TIPARP: variants seen among roughly 807,000 people sequenced by gnomAD.
The protein encoded by TIPARP is protein mono-ADP-ribosyltransferase TIPARP.
In TIPARP, 12 loss-of-function variants were observed where a neutral mutation model predicts 56.5. That is an observed-to-expected ratio of 0.21 (90% CI 0.14 to 0.34). The LOEUF is 0.34. TIPARP is among the 10% of genes least tolerant of loss of function. TIPARP has a pLI of 1.00. For missense variants in TIPARP, 604 were observed against 781.6 expected (o/e 0.77, Z 2.71); for synonymous variants, 296 against 265.7 (o/e 1.11, Z -1.11).
intron 2 of TIPARP, chr3:156,681,274 G>C (rs973078815): frequency 6.7e-6 from 3 of 447,120 alleles, no homozygotes; most frequent in South Asian, 4.7e-5. Flanking sequence ...TGCAGATTGC[G>C]CATAACCAGG....
chr3:156,698,037 A>G (rs1192382261), intron 4 of TIPARP, among the ~76,000 whole-genome samples: 2 of 152,240 alleles, frequency 1.3e-5, no homozygotes, highest in Admixed American at 6.5e-5. Flanking sequence ...TTGCTAATAT[A>G]GAGAAAGTTT....
intron 4 of TIPARP, among the ~76,000 whole-genome samples, chr3:156,700,480 C>T (rs924853248): frequency 6.6e-6 from 1 of 152,036 alleles, no homozygotes; most frequent in African/African-American, 2.4e-5. Context: ...CTCAGGGAAT[C>T]AGATGCCTAA....
At chr3:156,702,711 C>G (rs753364725) in intron 4 of TIPARP, among the ~76,000 whole-genome samples, 19 of 152,156 alleles carry the variant, frequency 1.2e-4, no homozygotes, top group Non-Finnish European at 2.4e-4. Flanking sequence ...AAGTAACTTA[C>G]CAAAGCTGCT....
chr3:156,694,239 C>T, intron 3 of TIPARP, 51 bp downstream of exon 3: 3 of 1,497,930 alleles, frequency 2.0e-6, no homozygotes, highest in Middle Eastern at 1.8e-4. Context: ...TTATTTTTTT[C>T]TTCCTGTATT....
At chr3:156,687,134 T>G (rs896286821) in intron 2 of TIPARP, among the ~76,000 whole-genome samples, 2 of 152,192 alleles carry the variant, frequency 1.3e-5, no homozygotes, top group Non-Finnish European at 2.9e-5. Context: ...GTGCCTTCTA[T>G]CCCAGCTGTT....
At chr3:156,696,486 T>A (rs1722717007) in intron 4 of TIPARP, among the ~76,000 whole-genome samples, 3 of 152,256 alleles carry the variant, frequency 2.0e-5, no homozygotes, top group African/African-American at 7.2e-5. Context: ...CCTTTTCAAA[T>A]AATTTACATT....
intron 3 of TIPARP, 50 bp downstream of exon 3, chr3:156,694,238 T>C: frequency 6.7e-7 from 1 of 1,501,300 alleles, no homozygotes; most frequent in Non-Finnish European, 9.0e-7. Flanking sequence ...TTTATTTTTT[T>C]CTTCCTGTAT....
At chr3:156,685,978 T>G in intron 2 of TIPARP, among the ~76,000 whole-genome samples, 1 of 152,210 alleles carries the variant, frequency 6.6e-6, no homozygotes, top group East Asian at 1.9e-4. Context: ...GGTTTCTGAG[T>G]GTCACCTGGC....
At chr3:156,695,533 A>G (rs1431654378) in intron 3 of TIPARP, among the ~76,000 whole-genome samples, 1 of 152,030 alleles carries the variant, frequency 6.6e-6, no homozygotes, top group Non-Finnish European at 1.5e-5. Flanking sequence ...CAACATCACT[A>G]TCTTTAATTC....
intron 4 of TIPARP, among the ~76,000 whole-genome samples, chr3:156,701,438 G>A (rs1193056523): frequency 6.6e-6 from 1 of 152,206 alleles, no homozygotes. Context: ...CCAGAAGCCT[G>A]TGTTGGTAAC....
At chr3:156,702,067 TGGTGGTTGTGGTG>T (rs1722860772) in intron 4 of TIPARP, among the ~76,000 whole-genome samples, 1 of 124,208 alleles carries the variant, frequency 8.1e-6, no homozygotes, top group Non-Finnish European at 1.8e-5. Flanking sequence ...GTGGTGGTGG[TGGTGGTTGTGGTG>T]GTGGTGGTGG....
At chr3:156,685,624 T>A (rs1446500677) in intron 2 of TIPARP, among the ~76,000 whole-genome samples, 2 of 152,246 alleles carry the variant, frequency 1.3e-5, no homozygotes, top group East Asian at 3.8e-4. Context: ...GTACTTCTGG[T>A]AATGATTAGA....
Position 156,677,710 on chromosome 3 carries a change from A to T in TIPARP, c.13A>T (p.Thr5Ser). The change falls in exon 2 of 6, where the codon ACC (threonine) becomes TCC (serine). Residue 5 changes from threonine to serine, a missense_variant. Coordinates refer to ENST00000295924, the MANE Select transcript of TIPARP (RefSeq NM_015508.5). ...GCTAATCCACATTATGGAAATGGAAACCACCGAACCTGAGCCAGACTGTGT... is the reference window on the plus strand; with the variant it reads ...GCTAATCCACATTATGGAAATGGAATCCACCGAACCTGAGCCAGACTGTGT... MEME[T>S]TEPEPDCVVQ... 6.3e-7 allele frequency: 1 copy of T among 1,580,412 alleles called. No individual in the cohort carries two copies. The highest frequency in any genetic ancestry group is 1.2e-5 in the South Asian group (1 of 84,768).
chr3:156,705,038 T>C lies in TIPARP; in HGVS notation c.1881T>C (p.Phe627=), dbSNP rs779283935. The part of the protein sequence containing the change: ...DLYDSCVDNF[F]EPQIFVIFND... ...ATGACTCTTGTGTGGATAATTTCTT[T>C]GAGCCTCAGATTTTTGTCATTTTTA... Residue 627 remains phenylalanine, a synonymous_variant, in exon 6 of 6, where the codon TTT becomes TTC. Coordinates refer to ENST00000295924, the MANE Select transcript of TIPARP (RefSeq NM_015508.5). 9.9e-6 allele frequency: 16 copies of C among 1,614,112 alleles called. No homozygotes were observed. Among genetic ancestry groups the C allele is most frequent in the Non-Finnish European group, 1.3e-5 (15 of 1,180,042 alleles).
At chr3:156,696,124 A>G in intron 4 of TIPARP, 99 bp downstream of exon 4, 1 of 1,331,092 alleles carries the variant, frequency 7.5e-7, no homozygotes, top group African/African-American at 1.5e-5. Flanking sequence ...TACCTTGGTT[A>G]GTACTCCTAG....
intron 2 of TIPARP, among the ~76,000 whole-genome samples, chr3:156,693,037 C>G (rs543605690): frequency 2.0e-5 from 3 of 152,226 alleles, no homozygotes; most frequent in South Asian, 4.1e-4. Flanking sequence ...GCCTGTAGAT[C>G]TAGAGTATTT....
At chr3:156,696,059 C>T (rs1322728934) in intron 4 of TIPARP, 34 bp downstream of exon 4, 1 of 1,589,706 alleles carries the variant, frequency 6.3e-7, no homozygotes, top group East Asian at 2.3e-5. Flanking sequence ...AATATTTACT[C>T]TCATTTTATG....
At chr3:156,688,571 G>T (rs1243491672) in intron 2 of TIPARP, among the ~76,000 whole-genome samples, 2 of 150,094 alleles carry the variant, frequency 1.3e-5, no homozygotes, top group African/African-American at 2.5e-5. Flanking sequence ...CAATAGTTTT[G>T]CTTCTAAAGA....
At chr3:156,683,793 A>AGTAT (rs1722362156) in intron 2 of TIPARP, among the ~76,000 whole-genome samples, 1 of 152,226 alleles carries the variant, frequency 6.6e-6, no homozygotes, top group Non-Finnish European at 1.5e-5. Flanking sequence ...AGGATAAAGC[A>AGTAT]GTATGTAGTC....
Sources: gnomAD v4.1 joint callset for allele counts (sites outside exome capture counted in the v4.1 genomes callset) on GRCh38, gnomAD v4.1.1 for gene constraint, MANE v1.5 for transcripts, NCBI Gene and HGNC (gene_info 2026-07-23, HGNC 2026-07-21) for gene names.